Variants in PID1 observed in about 807,000 individuals in gnomAD.
PID1 encodes the protein PTB-containing, cubilin and LRP1-interacting protein.
Under a neutral mutation model 19.1 loss-of-function variants are expected in PID1, and 10 were observed. The ratio of observed to expected loss-of-function variants is 0.52; its 90% CI spans 0.32 to 0.89. The LOEUF is 0.89. Ranked by LOEUF, PID1 falls within the 40% of genes least tolerant of loss-of-function variation. The pLI is 0.03. For synonymous variants in PID1, 130 were observed against 116.0 expected (o/e 1.12, Z -0.78); for missense variants, 248 against 285.3 (o/e 0.87, Z 0.94).
chr2:229,046,377 TGTGC>T (rs1252705111), intron 2 of PID1, among the ~76,000 whole-genome samples: 4 of 146,926 alleles, frequency 2.7e-5, no homozygotes, highest in Admixed American at 2.0e-4. Flanking sequence ...TGTGTGTGTG[TGTGC>T]GTGTGTGTGT....
At chr2:229,196,183 T>C (rs1165218809) in intron 1 of PID1, among the ~76,000 whole-genome samples, 1 of 152,186 alleles carries the variant, frequency 6.6e-6, no homozygotes, top group Non-Finnish European at 1.5e-5. Context: ...AGTTACATTT[T>C]CAAAGACTGT....
At chr2:229,040,440 A>T (rs891234927) in intron 2 of PID1, among the ~76,000 whole-genome samples, 6 of 152,198 alleles carry the variant, frequency 3.9e-5, no homozygotes, top group Admixed American at 2.6e-4. Flanking sequence ...GAAGAAAAAA[A>T]CTGATTACCA....
At chr2:229,225,627 T>C (rs1356068517) in intron 1 of PID1, among the ~76,000 whole-genome samples, 7 of 152,118 alleles carry the variant, frequency 4.6e-5, no homozygotes, top group African/African-American at 1.7e-4. Context: ...TCCCTTCCCA[T>C]GCTGCTAATA....
intron 2 of PID1, among the ~76,000 whole-genome samples, chr2:229,134,127 T>C (rs971155229): frequency 2.6e-5 from 4 of 152,034 alleles, no homozygotes; most frequent in African/African-American, 7.3e-5. Flanking sequence ...GAACCATCAG[T>C]CACCTAATGA....
At chr2:229,260,634 G>C (rs1207661891) in intron 1 of PID1, among the ~76,000 whole-genome samples, 2 of 151,628 alleles carry the variant, frequency 1.3e-5, no homozygotes, top group African/African-American at 4.8e-5. Context: ...TAGATAGAAG[G>C]AAACCATGGG....
At chr2:229,196,700 C>T (rs547504485) in intron 1 of PID1, among the ~76,000 whole-genome samples, 91 of 152,142 alleles carry the variant, frequency 6.0e-4, no homozygotes, top group African/African-American at 2.1e-3. Flanking sequence ...TGGCTTAAAA[C>T]CCCAGCTCCA....
At chr2:229,253,138 C>T (rs1242673515) in intron 1 of PID1, among the ~76,000 whole-genome samples, 1 of 152,134 alleles carries the variant, frequency 6.6e-6, no homozygotes, top group Non-Finnish European at 1.5e-5. Context: ...CATTTTTAAC[C>T]AACAACTACA....
At chr2:229,027,770 C>T (rs927433540) in intron 2 of PID1, among the ~76,000 whole-genome samples, 3 of 152,196 alleles carry the variant, frequency 2.0e-5, no homozygotes, top group Admixed American at 6.5e-5. Flanking sequence ...CCTGAGCACA[C>T]GTAAAGCGGT....
At chr2:229,150,781 G>A (rs1282606759) in intron 2 of PID1, among the ~76,000 whole-genome samples, 1 of 151,098 alleles carries the variant, frequency 6.6e-6, no homozygotes, top group Non-Finnish European at 1.5e-5. Flanking sequence ...GGAACTCGGT[G>A]GGCATTTTGT....
chr2:229,271,103 G>A lies in PID1; in HGVS notation c.-60C>T, dbSNP rs1195444534. 3.9e-6 allele frequency: 6 copies of A among 1,525,186 alleles called. No individual in the cohort carries two copies. Among genetic ancestry groups the A allele is most frequent in the African/African-American group, 1.4e-5 (1 of 71,946 alleles). 94.5% of individuals were successfully genotyped at this position (1,525,186 alleles called of 1,614,324 possible). ...GCGAGACTGTCGATCGCGCCGGGGG[G>A]CGAGGGGCTGGGGTCCCGCTTTACA... On this transcript the variant is annotated 5_prime_UTR_variant, in exon 1 of 3. Transcript: ENST00000392055.
At chr2:229,033,255 C>T (rs1423217941) in intron 2 of PID1, among the ~76,000 whole-genome samples, 1 of 152,134 alleles carries the variant, frequency 6.6e-6, no homozygotes, top group Non-Finnish European at 1.5e-5. Flanking sequence ...GTGCAAGAAC[C>T]CAAGCACCTG....
intron 2 of PID1, among the ~76,000 whole-genome samples, chr2:229,103,635 C>T (rs950532346): frequency 1.3e-4 from 18 of 140,786 alleles, no homozygotes; most frequent in Non-Finnish European, 2.0e-4. Context: ...TGGAGTGCAG[C>T]GGTGTGATCT....
chr2:229,110,983 A>G (rs1695286154), intron 2 of PID1, among the ~76,000 whole-genome samples: 4 of 152,054 alleles, frequency 2.6e-5, no homozygotes, highest in Admixed American at 2.6e-4. Context: ...AATCATGGGG[A>G]CGGTTTCCCC....
intron 1 of PID1, among the ~76,000 whole-genome samples, chr2:229,221,343 C>G (rs957038453): frequency 6.6e-6 from 1 of 152,262 alleles, no homozygotes; most frequent in Non-Finnish European, 1.5e-5. Context: ...TTCCCTGGTT[C>G]CTTCCTCCAC....
chr2:229,030,686 G>A (rs1241167556), intron 2 of PID1, among the ~76,000 whole-genome samples: 4 of 151,982 alleles, frequency 2.6e-5, no homozygotes, highest in African/African-American at 7.2e-5. Flanking sequence ...AGTTGTAGAC[G>A]ATTCACTCCA....
intron 2 of PID1, among the ~76,000 whole-genome samples, chr2:229,040,558 G>A (rs1693752351): frequency 6.6e-6 from 1 of 152,110 alleles, no homozygotes; most frequent in South Asian, 2.1e-4. Flanking sequence ...GTATAGTTGT[G>A]ACTTGCAGAA....
At chr2:229,039,078 G>A (rs954311011) in intron 2 of PID1, among the ~76,000 whole-genome samples, 2 of 152,146 alleles carry the variant, frequency 1.3e-5, no homozygotes, top group Middle Eastern at 3.2e-3. Context: ...GGTATCTTCC[G>A]TGCCGATTTG....
intron 1 of PID1, among the ~76,000 whole-genome samples, chr2:229,186,594 G>C (rs1410339185): frequency 6.6e-6 from 1 of 152,162 alleles, no homozygotes; most frequent in Admixed American, 6.5e-5. Flanking sequence ...TAGGACACAG[G>C]GCACCAAGTC....
At chr2:229,226,232 G>T (rs955739865) in intron 1 of PID1, among the ~76,000 whole-genome samples, 1 of 152,194 alleles carries the variant, frequency 6.6e-6, no homozygotes, top group African/African-American at 2.4e-5. Flanking sequence ...CACTTAGGCA[G>T]CAGTATCCAC....
Sources: gnomAD v4.1 joint callset for allele counts (sites outside exome capture counted in the v4.1 genomes callset) on GRCh38, gnomAD v4.1.1 for gene constraint, MANE v1.5 for transcripts, NCBI Gene and HGNC (gene_info 2026-07-23, HGNC 2026-07-21) for gene names.